The following WWOX variants were observed in gnomAD, a reference collection of about 807,000 sequenced individuals.
WWOX encodes the protein WW domain containing oxidoreductase.
In WWOX, 69 loss-of-function variants were observed where a neutral mutation model predicts 46.2. The observed-to-expected ratio is 1.49, with a 90% CI of 1.23 to 1.82. The LOEUF (loss-of-function observed/expected upper bound fraction) is 1.82, where lower values mean the gene tolerates loss of function less well. Ranked by LOEUF, WWOX falls within the 40% of genes most tolerant of loss-of-function variation. WWOX has a pLI of 0.00. For missense variants in WWOX, 919 were observed against 542.6 expected (o/e 1.69, Z -6.89); for synonymous variants, 359 against 202.6 (o/e 1.77, Z -6.56).
chr16:79,140,565 C>T (rs1429039049), intron 8 of WWOX, among the ~76,000 whole-genome samples: 3 of 152,178 alleles, frequency 2.0e-5, no homozygotes, highest in African/African-American at 7.2e-5. Context: ...ACTTTGCAAA[C>T]CTCTCTCAGC....
In WWOX at chr16:78,248,911, G is replaced by A. The variant is rs533651698; in HGVS notation, c.516+84622G>A. On this transcript the variant is annotated intron_variant, in intron 5 of 8. Coordinates refer to ENST00000566780, the MANE Select transcript of WWOX (RefSeq NM_016373.4). ...GAGGCAGAGTCTTGCTCCATCACCA[G>A]GCTGGCACGATCTTGGCTCACTGCA... Among the ~76,000 whole-genome samples, 8 of 136,110 alleles carry A rather than the reference G, an allele frequency of 5.9e-5. No homozygotes were observed. The South Asian group carries it at 2.2e-3, about 38-fold the overall frequency. The allele number at this position is 136,110 out of a possible 152,430, so 89.3% of individuals were successfully genotyped here. A position where few individuals can be genotyped will look rare whatever the true frequency, so the allele number is the denominator to read the frequency against.
intron 8 of WWOX, among the ~76,000 whole-genome samples, chr16:78,920,949 G>A (rs534350305): frequency 6.6e-6 from 1 of 152,242 alleles, no homozygotes; most frequent in South Asian, 2.1e-4. Flanking sequence ...ATAATATGTG[G>A]TACTTTTCTG....
intron 8 of WWOX, among the ~76,000 whole-genome samples, chr16:78,441,959 A>T (rs2083454141): frequency 1.4e-5 from 2 of 139,796 alleles, no homozygotes; most frequent in African/African-American, 5.2e-5. Context: ...TATGCGCATG[A>T]GTGTGTGTGT....
At chr16:79,102,091 C>T (rs1038639719) in intron 8 of WWOX, among the ~76,000 whole-genome samples, 1 of 7,198 alleles carries the variant, frequency 1.4e-4, no homozygotes, top group Non-Finnish European at 3.1e-4. Context: ...GAGGGTGGGG[C>T]GGGGGTGGGC....
intron 8 of WWOX, among the ~76,000 whole-genome samples, chr16:79,015,148 A>G (rs569221792): frequency 6.6e-6 from 1 of 152,264 alleles, no homozygotes; most frequent in African/African-American, 2.4e-5. Context: ...ATTGGGTTGG[A>G]GTACTTCTCC....
intron 8 of WWOX, among the ~76,000 whole-genome samples, chr16:78,796,784 C>T (rs565830140): frequency 7.9e-5 from 12 of 151,844 alleles, no homozygotes; most frequent in African/African-American, 2.9e-4. Context: ...TGAGCTCTGG[C>T]TGGTCAGTAA....
intron 8 of WWOX, among the ~76,000 whole-genome samples, chr16:79,022,493 C>G (rs891215221): frequency 1.3e-5 from 2 of 152,026 alleles, no homozygotes; most frequent in Non-Finnish European, 2.9e-5. Context: ...CTCGGAGGAG[C>G]TGAGTCCCAT....
intron 8 of WWOX, among the ~76,000 whole-genome samples, chr16:78,651,805 C>T (rs112599787): frequency 1.3e-5 from 2 of 152,290 alleles, no homozygotes; most frequent in African/African-American, 4.8e-5. Context: ...GGGAATCTGG[C>T]TTCTAACAAA....
At chr16:78,605,498 A>T (rs1032842340) in intron 8 of WWOX, among the ~76,000 whole-genome samples, 27 of 152,134 alleles carry the variant, frequency 1.8e-4, no homozygotes, top group African/African-American at 6.3e-4. Context: ...GGCCCTTGTC[A>T]AAAGGGTAGC....
intron 8 of WWOX, among the ~76,000 whole-genome samples, chr16:78,866,598 C>T (rs2044009097): frequency 6.6e-6 from 1 of 152,164 alleles, no homozygotes; most frequent in Non-Finnish European, 1.5e-5. Flanking sequence ...TGTTCAGGGC[C>T]ACCAAGGCAC....
chr16:78,661,911 A>G (rs1207634513), intron 8 of WWOX, among the ~76,000 whole-genome samples: 1 of 152,120 alleles, frequency 6.6e-6, no homozygotes, highest in Non-Finnish European at 1.5e-5. Context: ...GGGCGTGGTG[A>G]TATGCATCTG....
chr16:79,168,744 A>C (rs1006581321), intron 8 of WWOX, among the ~76,000 whole-genome samples: 1 of 152,150 alleles, frequency 6.6e-6, no homozygotes, highest in Non-Finnish European at 1.5e-5. Flanking sequence ...GGGTAAACCA[A>C]GTCCCAGGAA....
chr16:79,159,167 CAA>C (rs1405101848), intron 8 of WWOX, among the ~76,000 whole-genome samples: 3 of 152,218 alleles, frequency 2.0e-5, no homozygotes, highest in Non-Finnish European at 2.9e-5. Context: ...TTCGCTTTAA[CAA>C]GAGAATATAA....
intron 5 of WWOX, among the ~76,000 whole-genome samples, chr16:78,243,088 T>G (rs192959624): frequency 1.3e-5 from 2 of 152,212 alleles, no homozygotes; most frequent in African/African-American, 4.8e-5. Context: ...CCAGGTCCAT[T>G]CTTCCACTGT....
At chr16:79,170,744 G>A (rs1204832087) in intron 8 of WWOX, among the ~76,000 whole-genome samples, 1 of 151,198 alleles carries the variant, frequency 6.6e-6, no homozygotes, top group Non-Finnish European at 1.5e-5. Context: ...TTTTCTGTAT[G>A]TTTCTAAATT....
chr16:79,141,866 G>A (rs538114761), intron 8 of WWOX, among the ~76,000 whole-genome samples: 85 of 151,934 alleles, frequency 5.6e-4, no homozygotes, highest in Non-Finnish European at 9.7e-4. Context: ...GCTTCTTGGC[G>A]TTGTGATTAG....
chr16:78,999,692 C>G (rs2047057281), intron 8 of WWOX, among the ~76,000 whole-genome samples: 1 of 152,072 alleles, frequency 6.6e-6, no homozygotes, highest in African/African-American at 2.4e-5. Context: ...TGGAGGCCTA[C>G]TTAAGTCTAA....
chr16:78,924,813 G>A (rs982019298), intron 8 of WWOX, among the ~76,000 whole-genome samples: 1 of 152,132 alleles, frequency 6.6e-6, no homozygotes, highest in Non-Finnish European at 1.5e-5. Context: ...GACTACTAGT[G>A]ATTGTTGGTG....
At chr16:79,146,468 G>T (rs1307115164) in intron 8 of WWOX, among the ~76,000 whole-genome samples, 2 of 152,042 alleles carry the variant, frequency 1.3e-5, no homozygotes, top group Non-Finnish European at 1.5e-5. Context: ...GTAGTAGAAG[G>T]GTCTTGAGAT....
Sources: gnomAD v4.1 joint callset for allele counts (sites outside exome capture counted in the v4.1 genomes callset) on GRCh38, gnomAD v4.1.1 for gene constraint, MANE v1.5 for transcripts, NCBI Gene and HGNC (gene_info 2026-07-23, HGNC 2026-07-21) for gene names.